Variants in OVOL2 observed in about 807,000 individuals in gnomAD.
OVOL2 encodes transcription factor Ovo-like 2.
A neutral mutation model predicts 18.1 loss-of-function variants in OVOL2; 13 were observed. The observed-to-expected ratio is 0.72, with a 90% confidence interval of 0.47 to 1.14. The LOEUF (loss-of-function observed/expected upper bound fraction) is 1.14. Among genes scored for constraint, OVOL2 ranks in the 50% most tolerant of loss-of-function variants. The pLI, the probability that OVOL2 is intolerant of heterozygous loss-of-function variation, is 0.00. For synonymous variants in OVOL2, 166 were observed against 162.7 expected (o/e 1.02, Z -0.16); for missense variants, 335 against 383.0 (o/e 0.87, Z 1.05).
chr20:18,025,659 C>T (rs1440190301), intron 3 of OVOL2, among the ~76,000 whole-genome samples: 1 of 152,120 alleles, frequency 6.6e-6, no homozygotes, highest in Non-Finnish European at 1.5e-5. Flanking sequence ...CTGGGAAGAA[C>T]CTATAGGGCA....
At chr20:18,048,230 C>G (rs111801459) in intron 2 of OVOL2, among the ~76,000 whole-genome samples, 2 of 151,684 alleles carry the variant, frequency 1.3e-5, no homozygotes, top group African/African-American at 4.8e-5. Flanking sequence ...GAGTTTGCAG[C>G]GAGCCAAGAT....
At chr20:18,031,897 A>C (rs971879423) in intron 3 of OVOL2, among the ~76,000 whole-genome samples, 1 of 152,218 alleles carries the variant, frequency 6.6e-6, no homozygotes, top group Non-Finnish European at 1.5e-5. Context: ...TCCTCAAGGA[A>C]AATTCTACAC....
At chr20:18,039,542 G>A (rs1432490421) in intron 3 of OVOL2, among the ~76,000 whole-genome samples, 1 of 145,760 alleles carries the variant, frequency 6.9e-6, no homozygotes, top group Non-Finnish European at 1.5e-5. Context: ...TGAAGTGGGA[G>A]TATCAGTTGA....
At chr20:18,044,924 G>A (rs1051022609) in intron 2 of OVOL2, among the ~76,000 whole-genome samples, 3 of 152,174 alleles carry the variant, frequency 2.0e-5, no homozygotes, top group Non-Finnish European at 4.4e-5. Context: ...AGCAGTGGTA[G>A]CTGAGAAGAA....
At chr20:18,033,165 C>T (rs2036586013) in intron 3 of OVOL2, among the ~76,000 whole-genome samples, 2 of 152,184 alleles carry the variant, frequency 1.3e-5, no homozygotes, top group African/African-American at 4.8e-5. Flanking sequence ...CAAACAAAGA[C>T]ACCATTGTTT....
chr20:18,032,481 A>T (rs2036580750), intron 3 of OVOL2, among the ~76,000 whole-genome samples: 1 of 151,598 alleles, frequency 6.6e-6, no homozygotes, highest in Non-Finnish European at 1.5e-5. Context: ...CGATACTGGA[A>T]ATTTTGTCAT....
At chr20:18,044,276 A>G (rs1244866885) in intron 2 of OVOL2, among the ~76,000 whole-genome samples, 1 of 152,148 alleles carries the variant, frequency 6.6e-6, no homozygotes, top group African/African-American at 2.4e-5. Flanking sequence ...GTCATGCTAT[A>G]TTCCATCTCA....
intron 2 of OVOL2, among the ~76,000 whole-genome samples, chr20:18,053,073 C>A (rs181716090): frequency 6.6e-6 from 1 of 152,150 alleles, no homozygotes; most frequent in Non-Finnish European, 1.5e-5. Context: ...TGAGGCACAC[C>A]GTCAAAAGGC....
chr20:18,057,452 C>T lies in OVOL2; in HGVS notation c.100+83G>A. The T allele has an allele frequency of 6.8e-7, 1 of 1,470,772 alleles. No individual in the cohort carries two copies. Among genetic ancestry groups the T allele is most frequent in the South Asian group, 1.2e-5 (1 of 80,326 alleles). 91.1% of individuals were successfully genotyped at this position (1,470,772 alleles called of 1,614,324 possible). A position where few individuals can be genotyped will look rare whatever the true frequency, so the allele number is the denominator to read the frequency against. ...GGGGGATGAGGTGGGGAGCCCGCCC[C>T]TGCCGATGAGCAGAGAAGACCCGCC... On this transcript the variant is annotated intron_variant, in intron 1 of 3. Coordinates refer to ENST00000278780, the MANE Select transcript of OVOL2 (RefSeq NM_021220.4). This position sits in a 1 kb window ranked among gnomAD's most constrained non-coding sequence, Gnocchi z 6.3.
At chr20:18,047,643 C>T (rs1275873638) in intron 2 of OVOL2, among the ~76,000 whole-genome samples, 1 of 149,600 alleles carries the variant, frequency 6.7e-6, no homozygotes, top group Non-Finnish European at 1.5e-5. Context: ...CATCTGAGGT[C>T]AGGAGTTCGA....
At chr20:18,051,196 T>C (rs1038185217) in intron 2 of OVOL2, among the ~76,000 whole-genome samples, 1 of 151,840 alleles carries the variant, frequency 6.6e-6, no homozygotes, top group East Asian at 1.9e-4. Flanking sequence ...GGCAACATAG[T>C]GAGGCCCTGT....
intron 3 of OVOL2, among the ~76,000 whole-genome samples, chr20:18,032,192 GAAAGA>G (rs1382847408): frequency 2.0e-5 from 3 of 151,244 alleles, no homozygotes; most frequent in Non-Finnish European, 4.4e-5. Context: ...TGCCTGAAAT[GAAAGA>G]AAGGAAAGAA....
rs201962855 is a variant in OVOL2, at chr20:18,049,557, C to CG, written c.321+7099_321+7100insC. The stretch of plus-strand genomic sequence containing the variant: ...ATTCGTTTGGCATTCAGATTCCCCC[C>CG]CCGATCCTATGTACCATTTCCTTAG... On this transcript the variant is annotated intron_variant, in intron 2 of 3. Coordinates refer to ENST00000278780, the MANE Select transcript of OVOL2 (RefSeq NM_021220.4). Among the ~76,000 whole-genome samples the CG allele has an allele frequency of 6.4e-3, 970 of 150,704 alleles. 13 individuals carry two copies. Among genetic ancestry groups the CG allele is most frequent in the African/African-American group, 0.022 (911 of 41,418 alleles).
chr20:18,029,355 T>C (rs780031350), intron 3 of OVOL2, among the ~76,000 whole-genome samples: 2 of 152,128 alleles, frequency 1.3e-5, no homozygotes, highest in African/African-American at 4.8e-5. Context: ...GATTAATAAA[T>C]ATATGTCATC....
rs1250927205 is a variant in OVOL2, at chr20:18,056,950, C to T, written c.101-73G>A. The T allele has an allele frequency of 2.9e-6, 4 of 1,389,382 alleles. No homozygotes were observed. Among genetic ancestry groups the T allele is most frequent in the East Asian group, 3.0e-5 (1 of 32,802 alleles). The allele number at this position is 1,389,382 out of a possible 1,614,324, so 86.1% of individuals were successfully genotyped here. ...CGCACGCCCGCGGCAGTTTGACCTG[C>T]GGGCGGTGCTGCCGCCGCCCCGCCC... On this transcript the variant is annotated intron_variant, in intron 1 of 3. Transcript: ENST00000278780. This position sits in a 1 kb window ranked among gnomAD's most constrained non-coding sequence, Gnocchi z 4.2.
intron 2 of OVOL2, among the ~76,000 whole-genome samples, chr20:18,042,800 C>T (rs957701489): frequency 6.0e-5 from 9 of 148,850 alleles, no homozygotes; most frequent in African/African-American, 1.5e-4. Context: ...AAAAAGAGCC[C>T]GGCACTTCCT....
intron 2 of OVOL2, among the ~76,000 whole-genome samples, chr20:18,042,278 AC>A (rs2036679081): frequency 6.6e-6 from 1 of 151,964 alleles, no homozygotes; most frequent in Non-Finnish European, 1.5e-5. Flanking sequence ...AGCTGGGCAT[AC>A]TGTCTTACAG....
chr20:18,056,575 G>A lies in OVOL2; in HGVS notation c.321+82C>T, dbSNP rs1203180993. On this transcript the variant is annotated intron_variant, in intron 2 of 3. Transcript: ENST00000278780. The surrounding 1 kb of genome is among the most constrained non-coding windows in gnomAD (Gnocchi z 4.2). ...CGGGTGCCGGGTTGCGCAGGCGGGC[G>A]CGGCAGGGAGGGGCGCCGGCCTCGG... The A allele has an allele frequency of 1.6e-6, 2 of 1,251,512 alleles. No homozygotes were observed. The highest frequency in any genetic ancestry group is 3.2e-5 in the African/African-American group (2 of 63,432). 77.5% of individuals were successfully genotyped at this position (1,251,512 alleles called of 1,614,324 possible). A position where few individuals can be genotyped will look rare whatever the true frequency, so the allele number is the denominator to read the frequency against.
rs769786984 is a variant in OVOL2 at position 18,041,697 on chromosome 20, C to T, written c.348G>A (p.Ser116=). Residue 116 remains serine, a synonymous_variant, in exon 3 of 4, where the codon TCG becomes TCA. Coordinates refer to ENST00000278780, the MANE Select transcript of OVOL2 (RefSeq NM_021220.4). ...CACACAGGTCACAGCTGTGAACCAC[C>T]GAGTCGCTGCACGTGCCTGTGGTGA... ...IKFTTGTCSD[S]VVHSCDLCGK... 3.4e-5 allele frequency: 55 copies of T among 1,613,342 alleles called. No homozygotes were observed. The highest frequency in any genetic ancestry group is 1.7e-4 in the Middle Eastern group (1 of 5,950).
Sources: gnomAD v4.1 joint callset for allele counts (sites outside exome capture counted in the v4.1 genomes callset) on GRCh38, gnomAD v4.1.1 for gene constraint, Gnocchi (gnomAD v3.1) non-coding constraint, MANE v1.5 for transcripts, NCBI Gene and HGNC (gene_info 2026-07-23, HGNC 2026-07-21) for gene names.